PDK1: variants seen among roughly 807,000 people sequenced by gnomAD.
PDK1 encodes the protein [Pyruvate dehydrogenase (acetyl-transferring)] kinase isozyme 1, mitochondrial.
A neutral mutation model predicts 54.2 loss-of-function variants in PDK1; 39 were observed. That is an observed-to-expected ratio of 0.72 (90% CI 0.56 to 0.94). The LOEUF (loss-of-function observed/expected upper bound fraction) is 0.94, where lower values mean the gene tolerates loss of function less well. Ranked by LOEUF, PDK1 falls within the 40% of genes least tolerant of loss-of-function variation. The pLI is 0.00. For synonymous variants in PDK1, 221 were observed against 207.1 expected, an observed-to-expected ratio of 1.07 and a Z score of -0.58; for missense variants, 552 against 566.0, an observed-to-expected ratio of 0.98 and a Z score of 0.25.
At chr2:172,591,373 AAAC>A (rs984605768) in intron 9 of PDK1, among the ~76,000 whole-genome samples, 3 of 152,178 alleles carry the variant, frequency 2.0e-5, no homozygotes, top group Non-Finnish European at 2.9e-5. Context: ...GTTAGTGTAA[AAAC>A]AACATTCTTC....
At chr2:172,574,057 GT>G (rs759428383) in intron 8 of PDK1, among the ~76,000 whole-genome samples, 6 of 152,096 alleles carry the variant, frequency 3.9e-5, no homozygotes, top group Non-Finnish European at 7.4e-5. Flanking sequence ...GAGTTTTATA[GT>G]TTTAGCTTTT....
chr2:172,564,424 A>T, intron 3 of PDK1, 79 bp from the exon 4 acceptor site: 5 of 1,132,794 alleles, frequency 4.4e-6, no homozygotes, highest in South Asian at 1.4e-5. Context: ...TTTGTCTAGC[A>T]TAGTTGGTTA....
At chr2:172,701,648 G>GTTTTTT in the PDK1 span, among the ~76,000 whole-genome samples, 4 of 124,868 alleles carry the variant, frequency 3.2e-5, no homozygotes, top group Non-Finnish European at 5.0e-5. Flanking sequence ...TTTTTGTTTT[G>GTTTTTT]TTTTTTTTTT....
chr2:172,580,263 G>A (rs1418123337), intron 8 of PDK1, among the ~76,000 whole-genome samples: 2 of 140,942 alleles, frequency 1.4e-5, no homozygotes, highest in South Asian at 2.2e-4. Context: ...TTTTAGCTCA[G>A]ATGCTAATGT....
chr2:172,585,384 G>GA (rs1301664541), intron 8 of PDK1, among the ~76,000 whole-genome samples: 1 of 139,360 alleles, frequency 7.2e-6, no homozygotes, highest in Non-Finnish European at 1.5e-5. Flanking sequence ...GGAGTGCAGT[G>GA]GTACGATCTT....
chr2:172,654,894 C>A, the PDK1 span, among the ~76,000 whole-genome samples: 1 of 152,080 alleles, frequency 6.6e-6, no homozygotes, highest in East Asian at 1.9e-4. Context: ...TACCTAATAG[C>A]GGGCAGAGAA....
At chr2:172,720,610 ATCT>A in the PDK1 span, among the ~76,000 whole-genome samples, 1 of 152,126 alleles carries the variant, frequency 6.6e-6, no homozygotes. Flanking sequence ...TCTTTGGCAA[ATCT>A]TCTATGGGAC....
At chr2:172,583,281 GTTTTTTTTT>G (rs1175087926) in intron 8 of PDK1, among the ~76,000 whole-genome samples, 20 of 77,074 alleles carry the variant, frequency 2.6e-4, no homozygotes, top group Admixed American at 6.9e-4. Flanking sequence ...AAGTTTTCTG[GTTTTTTTTT>G]TTTTTTTTTT....
intron 3 of PDK1, 34 bp from the exon 4 acceptor site, chr2:172,564,469 A>G: frequency 1.9e-6 from 3 of 1,558,266 alleles, no homozygotes; most frequent in East Asian, 2.3e-5. Flanking sequence ...ACTTGTCAAA[A>G]TATTTGGCTG....
At chr2:172,636,636 G>A in the PDK1 span, among the ~76,000 whole-genome samples, 863 of 151,614 alleles carry the variant, frequency 5.7e-3, 19 homozygotes, top group East Asian at 0.043. Context: ...CAGGAGAATC[G>A]CTTGAACCTG....
At chr2:172,614,021 C>T in the PDK1 span, among the ~76,000 whole-genome samples, 1 of 152,202 alleles carries the variant, frequency 6.6e-6, no homozygotes, top group East Asian at 1.9e-4. Flanking sequence ...GGGTCTCCTG[C>T]TCCAGGAAGC....
rs542111648 is a variant in PDK1, at chr2:172,581,837, A to G, written c.946-4441A>G. ...GTTGTTGTTTCTGTCTTACAGCCCTAGCTGCTCTTTCAATTCTGTGTTTAG... is the reference window on the plus strand; with the variant it reads ...GTTGTTGTTTCTGTCTTACAGCCCTGGCTGCTCTTTCAATTCTGTGTTTAG... On this transcript the variant is annotated intron_variant, in intron 8 of 10. Coordinates refer to ENST00000282077, the MANE Select transcript of PDK1 (RefSeq NM_002610.5). 1.1e-4 allele frequency among the ~76,000 whole-genome samples: 17 copies of G among 152,270 alleles called. 1 individual carries two copies. Among genetic ancestry groups the G allele is most frequent in the African/African-American group, 4.1e-4 (17 of 41,548 alleles).
At chr2:172,583,905 C>G (rs949089064) in intron 8 of PDK1, among the ~76,000 whole-genome samples, 2 of 151,870 alleles carry the variant, frequency 1.3e-5, no homozygotes, top group Non-Finnish European at 2.9e-5. Flanking sequence ...TTGTTATAGG[C>G]AGTAAAATCA....
At chr2:172,643,342 T>C in the PDK1 span, among the ~76,000 whole-genome samples, 1 of 152,172 alleles carries the variant, frequency 6.6e-6, no homozygotes, top group African/African-American at 2.4e-5. Context: ...CATTCAAACT[T>C]AACGCCCACA....
the PDK1 span, among the ~76,000 whole-genome samples, chr2:172,685,571 A>G: frequency 1.3e-5 from 2 of 152,238 alleles, no homozygotes; most frequent in Non-Finnish European, 2.9e-5. Flanking sequence ...TATTTTCCTC[A>G]CTGGGATTTG....
the PDK1 span, among the ~76,000 whole-genome samples, chr2:172,668,361 A>G: frequency 6.6e-6 from 1 of 150,422 alleles, no homozygotes; most frequent in African/African-American, 2.5e-5. Flanking sequence ...GTTCCCACTT[A>G]TATCTCTACT....
the PDK1 span, among the ~76,000 whole-genome samples, chr2:172,662,295 C>G: frequency 2.8e-4 from 42 of 152,208 alleles, no homozygotes; most frequent in African/African-American, 9.6e-4. Context: ...AAATTCAGTT[C>G]TGATTAGCCA....
the PDK1 span, among the ~76,000 whole-genome samples, chr2:172,644,604 GCA>G: frequency 6.6e-6 from 1 of 152,210 alleles, no homozygotes; most frequent in Non-Finnish European, 1.5e-5. Flanking sequence ...TGGATAATAA[GCA>G]CAGTTTAAAG....
the PDK1 span, among the ~76,000 whole-genome samples, chr2:172,646,161 A>G: frequency 6.6e-6 from 1 of 152,232 alleles, no homozygotes; most frequent in African/African-American, 2.4e-5. Flanking sequence ...ATAGATTAAG[A>G]CACAACAGAA....
Sources: allele counts gnomAD v4.1 joint callset (sites outside exome capture counted in the v4.1 genomes callset), GRCh38; gene constraint gnomAD v4.1.1; transcripts MANE v1.5; gene names NCBI Gene and HGNC (gene_info 2026-07-23, HGNC 2026-07-21).